GUCY2C: variants seen among roughly 807,000 people sequenced by gnomAD.
The protein encoded by GUCY2C is guanylate cyclase 2C.
A neutral mutation model predicts 131.1 loss-of-function variants in GUCY2C; 118 were observed. The ratio of observed to expected loss-of-function variants is 0.90; its 90% CI spans 0.78 to 1.05. The LOEUF is 1.05. Ranked by LOEUF, GUCY2C falls within the 50% of genes least tolerant of loss-of-function variation. The pLI, the probability that GUCY2C is intolerant of heterozygous loss-of-function variation, is 0.00. For synonymous variants in GUCY2C, 452 were observed against 457.8 expected, an observed-to-expected ratio of 0.99 and a Z score of 0.16; for missense variants, 1,161 against 1,304.4, an observed-to-expected ratio of 0.89 and a Z score of 1.69.
At chr12:14,653,108 A>G (rs1947699500) in intron 12 of GUCY2C, 94 bp from the exon 13 acceptor site, 1 of 906,848 alleles carries the variant, frequency 1.1e-6, no homozygotes, top group African/African-American at 1.6e-5. Flanking sequence ...GGTGGGCTGC[A>G]TCTGTTTCCT....
chr12:14,658,170 T>C (rs2137049207), intron 11 of GUCY2C, among the ~76,000 whole-genome samples: 1 of 152,294 alleles, frequency 6.6e-6, no homozygotes. Context: ...ATATTTTTCT[T>C]ATCCTTGTTA....
At chr12:14,640,214 G>C in intron 18 of GUCY2C, among the ~76,000 whole-genome samples, 1 of 152,128 alleles carries the variant, frequency 6.6e-6, no homozygotes, top group Admixed American at 6.6e-5. Context: ...TGTAATCCCA[G>C]CACTTCGGGA....
intron 9 of GUCY2C, among the ~76,000 whole-genome samples, chr12:14,672,598 A>G (rs1948137665): frequency 6.6e-6 from 1 of 152,174 alleles, no homozygotes; most frequent in Non-Finnish European, 1.5e-5. Flanking sequence ...TTCTGGGTGG[A>G]TATTTAAAAT....
At chr12:14,686,588 G>A (rs1948475000) in intron 2 of GUCY2C, among the ~76,000 whole-genome samples, 1 of 152,136 alleles carries the variant, frequency 6.6e-6, no homozygotes, top group African/African-American at 2.4e-5. Flanking sequence ...TGCTTTGAAG[G>A]GAGAGGGCAA....
Position 14,616,798 on chromosome 12 carries a change from T to C in GUCY2C, c.2876-71A>G, listed in dbSNP as rs1031188368. ...CTATTTGTTTCCCGTTGATTCAGGA[T>C]ATCAACAACACCTGAGACAAGAATC... On this transcript the variant is annotated intron_variant, in intron 24 of 26. Transcript: ENST00000261170. The C allele has an allele frequency of 6.0e-6, 5 of 832,464 alleles. No individual in the cohort carries two copies. In the Admixed American group the frequency reaches 8.6e-5, roughly 14 times the overall value. 51.6% of individuals were successfully genotyped at this position (832,464 alleles called of 1,614,324 possible). A position where few individuals can be genotyped will look rare whatever the true frequency, so the allele number is the denominator to read the frequency against.
chr12:14,672,014 T>C (rs1187583868), intron 9 of GUCY2C, among the ~76,000 whole-genome samples: 1 of 152,194 alleles, frequency 6.6e-6, no homozygotes, highest in Admixed American at 6.5e-5. Flanking sequence ...AGATATCTTT[T>C]ACAAAGCTGG....
intron 15 of GUCY2C, among the ~76,000 whole-genome samples, chr12:14,649,364 C>A (rs866581117): frequency 1.3e-5 from 2 of 152,106 alleles, no homozygotes; most frequent in South Asian, 4.1e-4. Flanking sequence ...ATTCTTCTAA[C>A]GTTGAAGTTT....
chr12:14,687,807 C>T (rs1327968423), intron 2 of GUCY2C, 144 bp downstream of exon 2: 2 of 612,086 alleles, frequency 3.3e-6, no homozygotes, highest in African/African-American at 1.8e-5. Flanking sequence ...AAGCCAGAGT[C>T]TCCTGCCTGG....
intron 3 of GUCY2C, 35 bp downstream of exon 3, chr12:14,686,126 A>T: frequency 7.8e-7 from 1 of 1,284,602 alleles, no homozygotes; most frequent in Non-Finnish European, 1.1e-6. Context: ...TTGCAATATC[A>T]TGTCCTGACT....
At chr12:14,649,600 A>G (rs1212964540) in intron 15 of GUCY2C, among the ~76,000 whole-genome samples, 2 of 152,226 alleles carry the variant, frequency 1.3e-5, no homozygotes, top group Non-Finnish European at 2.9e-5. Flanking sequence ...AATTCTATGA[A>G]TGGAACAATA....
At chr12:14,693,022 A>T (rs1948601689) in intron 1 of GUCY2C, among the ~76,000 whole-genome samples, 1 of 152,050 alleles carries the variant, frequency 6.6e-6, no homozygotes. Context: ...AACTCAAGTG[A>T]TTTTTCTAGA....
rs1246722303 is a variant in GUCY2C, at chr12:14,637,092, CA to C, written c.2157+2769del. 6.3e-5 allele frequency among the ~76,000 whole-genome samples: 8 copies of C among 127,360 alleles called. No homozygotes were observed. The South Asian group carries it at 8.0e-4, about 13-fold the overall frequency. The allele number at this position is 127,360 out of a possible 152,430, so 83.6% of individuals were successfully genotyped here. A position where few individuals can be genotyped will look rare whatever the true frequency, so the allele number is the denominator to read the frequency against. On this transcript the variant is annotated intron_variant, in intron 19 of 26. Coordinates refer to ENST00000261170, the MANE Select transcript of GUCY2C (RefSeq NM_004963.4). Reference sequence around the variant, plus strand: ...TGGGCAACACAGTGAGACTCTGTCTCAAAAAAAAATTAACATACAAAAATCG... The same window carrying C: ...TGGGCAACACAGTGAGACTCTGTCTCAAAAAAAATTAACATACAAAAATCG...
intron 10 of GUCY2C, among the ~76,000 whole-genome samples, chr12:14,667,491 C>G (rs1438236754): frequency 6.6e-6 from 1 of 152,096 alleles, no homozygotes; most frequent in Non-Finnish European, 1.5e-5. Context: ...CTGCTAATAC[C>G]TGTTGGATAA....
chr12:14,650,561 T>A (rs953075308), intron 15 of GUCY2C, among the ~76,000 whole-genome samples: 5 of 152,188 alleles, frequency 3.3e-5, no homozygotes, highest in African/African-American at 1.2e-4. Flanking sequence ...TATTATTTTT[T>A]AAGAACTTTT....
At chr12:14,694,181 G>C (rs914980503) in intron 1 of GUCY2C, among the ~76,000 whole-genome samples, 5 of 152,196 alleles carry the variant, frequency 3.3e-5, no homozygotes, top group African/African-American at 4.8e-5. Context: ...TACCTGTTGT[G>C]AATGGTCTGG....
Position 14,625,918 on chromosome 12 carries a change from G to T in GUCY2C, c.2250-3C>A. On this transcript the variant is annotated splice_region_variant and splice_polypyrimidine_tract_variant and intron_variant, in intron 20 of 26. Transcript: ENST00000261170. ...CATTTTTTTGGTCATGAAAAAGTCT[G>T]TAGGTAGTAATAGATAAAGAGCTCT... 1 of 1,589,410 alleles carries T rather than the reference G, an allele frequency of 6.3e-7. No homozygotes were observed. Among genetic ancestry groups the T allele is most frequent in the Non-Finnish European group, 8.6e-7 (1 of 1,157,932 alleles).
At chr12:14,623,571 C>T (rs1946939859) in intron 21 of GUCY2C, among the ~76,000 whole-genome samples, 1 of 152,186 alleles carries the variant, frequency 6.6e-6, no homozygotes, top group Admixed American at 6.5e-5. Context: ...ATTTGCAATT[C>T]ATTGTACTGC....
Position 14,651,515 on chromosome 12 carries a change from GA to G in GUCY2C, c.1606-5del. 1 of 1,523,870 alleles carries G rather than the reference GA, an allele frequency of 6.6e-7. No homozygotes were observed. The highest frequency in any genetic ancestry group is 1.7e-4 in the Middle Eastern group (1 of 5,878). 94.4% of individuals were successfully genotyped at this position (1,523,870 alleles called of 1,614,324 possible). A position where few individuals can be genotyped will look rare whatever the true frequency, so the allele number is the denominator to read the frequency against. ...TGTAATAGTCAATCTGAAGCAACTAGAAGAACGTGTTTGTTTACAAAGCAAA... is the reference window on the plus strand; with the variant it reads ...TGTAATAGTCAATCTGAAGCAACTAGAGAACGTGTTTGTTTACAAAGCAAA... On this transcript the variant is annotated splice_polypyrimidine_tract_variant and splice_region_variant and intron_variant, in intron 14 of 26. Coordinates refer to ENST00000261170, the MANE Select transcript of GUCY2C (RefSeq NM_004963.4).
At chr12:14,646,253 A>T (rs1463302569) in intron 15 of GUCY2C, among the ~76,000 whole-genome samples, 1 of 152,192 alleles carries the variant, frequency 6.6e-6, no homozygotes, top group Non-Finnish European at 1.5e-5. Context: ...CAGGACTCTA[A>T]CTGATAACAA....
Sources: allele counts gnomAD v4.1 joint callset (sites outside exome capture counted in the v4.1 genomes callset), GRCh38; gene constraint gnomAD v4.1.1; transcripts MANE v1.5; gene names NCBI Gene and HGNC (gene_info 2026-07-23, HGNC 2026-07-21).